TRAK1: variants seen among roughly 807,000 people sequenced by gnomAD.
TRAK1 encodes trafficking kinesin-binding protein 1.
In TRAK1, 33 loss-of-function variants were observed where a neutral mutation model predicts 92.1. The observed-to-expected ratio is 0.36, with a 90% CI of 0.27 to 0.48. The LOEUF (loss-of-function observed/expected upper bound fraction) is 0.48. Ranked by LOEUF, TRAK1 falls within the 20% of genes least tolerant of loss-of-function variation. TRAK1 has a pLI of 0.99. For missense variants in TRAK1, 1,123 were observed against 1,257.9 expected, an observed-to-expected ratio of 0.89 and a Z score of 1.62; for synonymous variants, 521 against 517.3, an observed-to-expected ratio of 1.01 and a Z score of -0.10.
chr3:42,095,866 C>G (rs890542605), intron 1 of TRAK1, among the ~76,000 whole-genome samples: 1 of 152,166 alleles, frequency 6.6e-6, no homozygotes, highest in Non-Finnish European at 1.5e-5. Flanking sequence ...GTGGTTAGGT[C>G]ACAGGGGCAG....
At chr3:42,142,174 C>T (rs1287963591) in intron 2 of TRAK1, among the ~76,000 whole-genome samples, 1 of 152,052 alleles carries the variant, frequency 6.6e-6, no homozygotes, top group Non-Finnish European at 1.5e-5. Flanking sequence ...TGAATTACAC[C>T]TGCAAAGACC....
intron 1 of TRAK1, among the ~76,000 whole-genome samples, chr3:42,106,001 C>A (rs1707496864): frequency 6.6e-6 from 1 of 152,138 alleles, no homozygotes; most frequent in Non-Finnish European, 1.5e-5. Context: ...GCCTGCCTTA[C>A]AAGAGCTCCT....
intron 6 of TRAK1, among the ~76,000 whole-genome samples, chr3:42,190,086 G>A (rs193181044): frequency 1.2e-3 from 190 of 152,302 alleles, no homozygotes; most frequent in African/African-American, 3.0e-3. Context: ...TTGCAAGTCT[G>A]TGACTCTAAG....
intron 2 of TRAK1, among the ~76,000 whole-genome samples, chr3:42,145,484 C>CAA (rs11381054): frequency 6.7e-4 from 60 of 89,622 alleles, no homozygotes; most frequent in South Asian, 2.5e-3. Context: ...GACTCTGTCT[C>CAA]AAAAAAAAAA....
rs1024398575 is a variant in TRAK1 at position 42,096,955 on chromosome 3, C to T, written c.91+5395C>T. ...TGAGGTTTTCCACCTTCATCTTATT[C>T]CCAGACCTCTGCCTTTCCTCCCAAG... On this transcript the variant is annotated intron_variant, in intron 1 of 15. Coordinates refer to ENST00000327628, the MANE Select transcript of TRAK1 (RefSeq NM_001042646.3). Among the ~76,000 whole-genome samples, 7 of 152,240 alleles carry T rather than the reference C, an allele frequency of 4.6e-5. No individual in the cohort carries two copies. In the South Asian group the frequency reaches 1.2e-3, roughly 27 times the overall value.
At chr3:42,151,318 AG>A in intron 2 of TRAK1, 1 of 456,586 alleles carries the variant, frequency 2.2e-6, no homozygotes, top group Non-Finnish European at 4.4e-6. Flanking sequence ...ATCCATCAGA[AG>A]GATTTTCTTA....
At chr3:42,027,811 G>A (rs1463549243) in intron 1 of TRAK1, among the ~76,000 whole-genome samples, 5 of 152,046 alleles carry the variant, frequency 3.3e-5, no homozygotes, top group African/African-American at 9.7e-5. Context: ...CTGAAGGAGG[G>A]GAATCATAAA....
intron 12 of TRAK1, among the ~76,000 whole-genome samples, chr3:42,201,458 C>G (rs952812859): frequency 6.7e-6 from 1 of 149,296 alleles, no homozygotes; most frequent in African/African-American, 2.5e-5. Flanking sequence ...GAGACTCTGT[C>G]TCAAAAAAAA....
upstream of TRAK1, among the ~76,000 whole-genome samples, chr3:42,082,262 G>T (rs536727722): frequency 3.3e-5 from 5 of 152,230 alleles, no homozygotes; most frequent in South Asian, 1.0e-3. Flanking sequence ...TAGTGAAAGC[G>T]AAAGTTATAT....
chr3:42,120,128 C>T (rs1363033762), intron 1 of TRAK1, among the ~76,000 whole-genome samples: 3 of 152,160 alleles, frequency 2.0e-5, no homozygotes, highest in South Asian at 2.1e-4. Flanking sequence ...TGGGGCATTA[C>T]AGTAACTGGG....
chr3:42,096,745 G>A (rs1183622661), intron 1 of TRAK1, among the ~76,000 whole-genome samples: 2 of 152,246 alleles, frequency 1.3e-5, no homozygotes, highest in Non-Finnish European at 2.9e-5. Context: ...AGGCAGTGAA[G>A]CATGCTGGCT....
intron 1 of TRAK1, among the ~76,000 whole-genome samples, chr3:42,022,258 G>A (rs547117737): frequency 5.5e-4 from 83 of 152,262 alleles, no homozygotes; most frequent in Non-Finnish European, 1.0e-3. Context: ...ATAGTTTGGT[G>A]TTATATATTT....
intron 1 of TRAK1, among the ~76,000 whole-genome samples, chr3:42,079,302 A>G (rs1280515638): frequency 1.3e-5 from 2 of 152,112 alleles, no homozygotes; most frequent in Non-Finnish European, 2.9e-5. Flanking sequence ...CCCTTGGTAT[A>G]TCAGATGCCT....
chr3:42,194,448 G>T (rs1706303953), intron 9 of TRAK1, among the ~76,000 whole-genome samples: 1 of 151,812 alleles, frequency 6.6e-6, no homozygotes. Context: ...TGTCGCCCAG[G>T]CTGGTCTCAG....
intron 14 of TRAK1, chr3:42,218,107 G>T (rs1709916090): frequency 1.0e-6 from 1 of 985,324 alleles, no homozygotes; most frequent in East Asian, 1.1e-4. Context: ...AAACCATCTT[G>T]CCTTGTTCCT....
At chr3:42,191,343 G>A (rs1427518092) in intron 6 of TRAK1, among the ~76,000 whole-genome samples, 1 of 152,336 alleles carries the variant, frequency 6.6e-6, no homozygotes, top group East Asian at 1.9e-4. Context: ...CTAGTGGTAT[G>A]CGTTTTTCAG....
At chr3:42,104,212 T>C (rs1226504858) in intron 1 of TRAK1, among the ~76,000 whole-genome samples, 2 of 152,284 alleles carry the variant, frequency 1.3e-5, no homozygotes, top group East Asian at 3.9e-4. Context: ...CAAGGAGGCC[T>C]GCCTGCCTCT....
intron 1 of TRAK1, among the ~76,000 whole-genome samples, chr3:42,068,115 TA>T (rs59018848): frequency 0.031 from 4,657 of 151,304 alleles, 256 homozygotes; most frequent in African/African-American, 0.11. Flanking sequence ...GCCAAGATCA[TA>T]ATCACTGCAC....
At chr3:42,153,102 C>A (rs975522661) in intron 2 of TRAK1, among the ~76,000 whole-genome samples, 3 of 152,052 alleles carry the variant, frequency 2.0e-5, no homozygotes, top group African/African-American at 7.2e-5. Flanking sequence ...AAAAAAAAAT[C>A]TTTGAAAAGG....
Sources: gnomAD v4.1 joint callset for allele counts (sites outside exome capture counted in the v4.1 genomes callset) on GRCh38, gnomAD v4.1.1 for gene constraint, MANE v1.5 for transcripts, NCBI Gene and HGNC (gene_info 2026-07-23, HGNC 2026-07-21) for gene names.